PRKN: variants seen among roughly 807,000 people sequenced by gnomAD.
The protein encoded by PRKN is E3 ubiquitin-protein ligase parkin.
PRKN carries 56 observed loss-of-function variants against 59.5 expected under a neutral mutation model. The ratio of observed to expected loss-of-function variants is 0.94; its 90% confidence interval spans 0.76 to 1.18. PRKN has a LOEUF of 1.18. Ranked by LOEUF, PRKN falls within the 50% of genes most tolerant of loss-of-function variation. PRKN has a pLI of 0.00. For missense variants in PRKN, 657 were observed against 596.4 expected (o/e 1.10, Z -1.06); for synonymous variants, 250 against 222.1 (o/e 1.13, Z -1.12).
chr6:161,605,501 G>T (rs1322055889), intron 7 of PRKN, among the ~76,000 whole-genome samples: 1 of 149,406 alleles, frequency 6.7e-6, no homozygotes, highest in Non-Finnish European at 1.5e-5. Context: ...AGCAGAAAGG[G>T]GCTGCCCTCT....
chr6:161,455,292 C>T (rs1301480575), intron 9 of PRKN, among the ~76,000 whole-genome samples: 8 of 152,040 alleles, frequency 5.3e-5, no homozygotes, highest in Admixed American at 3.3e-4. Context: ...CTGCCTCGGC[C>T]TCCTAAAGTG....
chr6:161,961,836 A>C (rs1375607701), intron 6 of PRKN, among the ~76,000 whole-genome samples: 1 of 152,124 alleles, frequency 6.6e-6, no homozygotes, highest in Non-Finnish European at 1.5e-5. Context: ...AAAGATCTCA[A>C]ATGCCTGCAT....
rs138173775 is a variant in PRKN, at chr6:161,805,369, C to T, written c.735-19461G>A. On this transcript the variant is annotated intron_variant, in intron 6 of 11. Transcript: ENST00000366898. Reference sequence around the variant, plus strand: ...CTTATACCCTCATCACATCTGGAAGCGTTCTTCTGGATAAGCATCTGAGGA... The same window carrying T: ...CTTATACCCTCATCACATCTGGAAGTGTTCTTCTGGATAAGCATCTGAGGA... Among the ~76,000 whole-genome samples the T allele has an allele frequency of 6.7e-4, 102 of 152,010 alleles. 1 individual carries two copies. Among genetic ancestry groups the T allele is most frequent in the Middle Eastern group, 3.4e-3 (1 of 294 alleles).
chr6:162,634,007 G>A (rs1777616268), intron 1 of PRKN, among the ~76,000 whole-genome samples: 2 of 152,078 alleles, frequency 1.3e-5, no homozygotes, highest in South Asian at 4.1e-4. Context: ...ATACCACACG[G>A]TCTTGTGTCA....
At chr6:162,222,279 A>G (rs1384404680) in intron 3 of PRKN, among the ~76,000 whole-genome samples, 1 of 152,170 alleles carries the variant, frequency 6.6e-6, no homozygotes, top group African/African-American at 2.4e-5. Flanking sequence ...AGATGTGCAA[A>G]AGGTCAGAAA....
intron 2 of PRKN, among the ~76,000 whole-genome samples, chr6:162,310,784 T>C (rs1452426963): frequency 6.6e-6 from 1 of 151,086 alleles, no homozygotes; most frequent in Non-Finnish European, 1.5e-5. Flanking sequence ...AATGGGAGAC[T>C]TTACAGTACT....
chr6:161,706,596 CT>C (rs35739265), intron 7 of PRKN, among the ~76,000 whole-genome samples: 2 of 151,320 alleles, frequency 1.3e-5, no homozygotes, highest in South Asian at 4.2e-4. Flanking sequence ...TTCCAGGTGA[CT>C]TTTTTTTTAC....
At chr6:161,622,062 G>GC (rs926548556) in intron 7 of PRKN, among the ~76,000 whole-genome samples, 2 of 151,958 alleles carry the variant, frequency 1.3e-5, no homozygotes, top group African/African-American at 4.8e-5. Flanking sequence ...TACCTGTTAG[G>GC]CCCCCCGTCT....
intron 7 of PRKN, among the ~76,000 whole-genome samples, chr6:161,781,124 C>T (rs1303986624): frequency 6.6e-6 from 1 of 152,254 alleles, no homozygotes; most frequent in East Asian, 1.9e-4. Flanking sequence ...TTGTTTCTAG[C>T]CTGTCTCAGC....
At chr6:162,363,622 T>TC (rs1171310801) in intron 2 of PRKN, among the ~76,000 whole-genome samples, 3 of 144 alleles carry the variant, frequency 0.021, no homozygotes, top group African/African-American at 0.1. Flanking sequence ...ATCATCATTG[T>TC]TACTATTATG....
chr6:162,178,395 G>A (rs999372079), intron 4 of PRKN, among the ~76,000 whole-genome samples: 1 of 152,108 alleles, frequency 6.6e-6, no homozygotes, highest in Non-Finnish European at 1.5e-5. Flanking sequence ...GGGAGTGTTC[G>A]CTCAGCAATC....
At chr6:162,630,792 C>T (rs1444490293) in intron 1 of PRKN, among the ~76,000 whole-genome samples, 1 of 152,148 alleles carries the variant, frequency 6.6e-6, no homozygotes, top group East Asian at 1.9e-4. Flanking sequence ...CTGTCTTACA[C>T]TTGTATTTGG....
At position 162,638,155 on chromosome 6, in the gene PRKN, C is replaced by A. The variant is rs147607271; in HGVS notation, c.7+89507G>T. 1.2e-3 allele frequency among the ~76,000 whole-genome samples: 179 copies of A among 144,498 alleles called. 1 individual carries two copies. Among genetic ancestry groups the A allele is most frequent in the African/African-American group, 4.5e-3 (170 of 37,730 alleles). 94.8% of individuals were successfully genotyped at this position (144,498 alleles called of 152,430 possible). On this transcript the variant is annotated intron_variant, in intron 1 of 11. Transcript: ENST00000366898. ...ATGTAATTCCTCTATGTAAGGAGTTCCATATTATTTCTTTTTCTCCACACT... is the reference window on the plus strand; with the variant it reads ...ATGTAATTCCTCTATGTAAGGAGTTACATATTATTTCTTTTTCTCCACACT...
chr6:162,448,197 G>T lies in PRKN; in HGVS notation c.8-4724C>A, dbSNP rs552106788. Among the ~76,000 whole-genome samples the T allele has an allele frequency of 1.3e-5, 2 of 151,960 alleles. 1 individual carries two copies. The highest frequency in any genetic ancestry group is 2.9e-5 in the Non-Finnish European group (2 of 68,006). On this transcript the variant is annotated intron_variant, in intron 1 of 11. Transcript: ENST00000366898. ...TCAGAGGCACGCCCCGGTTAATTGC[G>T]GCAACACAAAAGTAACTCCACATGT...
chr6:162,323,074 G>A (rs570320343), intron 2 of PRKN, among the ~76,000 whole-genome samples: 1 of 119,394 alleles, frequency 8.4e-6, no homozygotes, highest in Admixed American at 9.7e-5. Flanking sequence ...ACTGTTGTGG[G>A]GTGGGGGGAG....
chr6:161,556,502 A>G (rs1166019279), intron 8 of PRKN, among the ~76,000 whole-genome samples: 1 of 152,218 alleles, frequency 6.6e-6, no homozygotes, highest in Non-Finnish European at 1.5e-5. Flanking sequence ...TCGAGATATA[A>G]TCCACAGTTT....
Position 161,352,937 on chromosome 6 carries a change from G to C in PRKN, c.1286-2726C>G, listed in dbSNP as rs894649438. On this transcript the variant is annotated intron_variant, in intron 11 of 11. Coordinates refer to ENST00000366898, the MANE Select transcript of PRKN (RefSeq NM_004562.3). The surrounding 1 kb of genome is among the most constrained non-coding windows in gnomAD (Gnocchi z 5.8). ...TGGAATTACAGGCACCTGCCACCAC[G>C]CCTGGCTAAATTTTGTATTTTTAGT... Among the ~76,000 whole-genome samples the C allele has an allele frequency of 2.0e-5, 3 of 151,914 alleles. No homozygotes were observed. Among genetic ancestry groups the C allele is most frequent in the Admixed American group, 1.3e-4 (2 of 15,250 alleles).
rs1013968746 is a variant in PRKN at position 161,526,601 on chromosome 6, A to G, written c.1083+22253T>C. On this transcript the variant is annotated intron_variant, in intron 9 of 11. Transcript: ENST00000366898. This position sits in a 1 kb window ranked among gnomAD's most constrained non-coding sequence, Gnocchi z 4.1. The stretch of plus-strand genomic sequence containing the variant: ...AATATAAGTAATATAAATAAATATA[A>G]TGAAATAAAATCTCAAAGCATCAGT... Among the ~76,000 whole-genome samples, 1 of 150,362 alleles carries G rather than the reference A, an allele frequency of 6.7e-6. No individual in the cohort carries two copies. Among genetic ancestry groups the G allele is most frequent in the East Asian group, 1.9e-4 (1 of 5,178 alleles).
chr6:161,993,881 A>G (rs9365357), intron 5 of PRKN, among the ~76,000 whole-genome samples: 69,733 of 152,024 alleles, frequency 0.46, 16,341 homozygotes, highest in East Asian at 0.6. Flanking sequence ...AGAAGGCAAG[A>G]GAGCAGGTGA....
Sources: allele counts gnomAD v4.1 joint callset (sites outside exome capture counted in the v4.1 genomes callset), GRCh38; gene constraint gnomAD v4.1.1; non-coding constraint Gnocchi (gnomAD v3.1); transcripts MANE v1.5; gene names NCBI Gene and HGNC (gene_info 2026-07-23, HGNC 2026-07-21).